The following HIPK2 variants were observed in gnomAD, a reference collection of about 807,000 sequenced individuals.
The protein encoded by HIPK2 is homeodomain-interacting protein kinase 2.
A neutral mutation model predicts 113.7 loss-of-function variants in HIPK2; 27 were observed. That is an observed-to-expected ratio of 0.24 (90% CI 0.17 to 0.33). HIPK2 has a LOEUF of 0.33. HIPK2 is among the 10% of genes least tolerant of loss of function. HIPK2 has a pLI of 1.00. For synonymous variants in HIPK2, 631 were observed against 642.2 expected (o/e 0.98, Z 0.26); for missense variants, 1,257 against 1,588.0 (o/e 0.79, Z 3.54).
chr7:139,626,566 G>C, intron 6 of HIPK2, 35 bp downstream of exon 6: 1 of 1,592,882 alleles, frequency 6.3e-7, no homozygotes, highest in Non-Finnish European at 8.6e-7. Flanking sequence ...AAAGTTTGCC[G>C]ATCCCTGGTA....
intron 1 of HIPK2, among the ~76,000 whole-genome samples, chr7:139,743,667 C>T (rs1796144346): frequency 6.6e-6 from 1 of 151,402 alleles, no homozygotes; most frequent in African/African-American, 2.4e-5. Context: ...CCACCTATCC[C>T]CCTGCTGTTC....
chr7:139,658,159 A>T (rs572071369), intron 2 of HIPK2, among the ~76,000 whole-genome samples: 36 of 152,214 alleles, frequency 2.4e-4, no homozygotes, highest in Non-Finnish European at 4.7e-4. Flanking sequence ...TAGAAAAATT[A>T]GCTGAGTGGA....
At chr7:139,700,713 G>A (rs1257458880) in intron 2 of HIPK2, among the ~76,000 whole-genome samples, 3 of 152,216 alleles carry the variant, frequency 2.0e-5, no homozygotes, top group South Asian at 4.1e-4. Flanking sequence ...ACTGAGTCTC[G>A]CAGGCAGCAC....
In HIPK2 at chr7:139,613,562, C is replaced by G. The variant is rs1460878990; in HGVS notation, c.1991-239G>C. ...AGGCTAGAAGGTCAGATTAAGGAGG[C>G]TGTAAGGCCAAAAGTAGGACAGATA... On this transcript the variant is annotated intron_variant, in intron 8 of 14. Transcript: ENST00000406875. The surrounding 1 kb of genome is among the most constrained non-coding windows in gnomAD (Gnocchi z 4.2). Among the ~76,000 whole-genome samples the G allele has an allele frequency of 6.6e-6, 1 of 152,170 alleles. No homozygotes were observed. Among genetic ancestry groups the G allele is most frequent in the Non-Finnish European group, 1.5e-5 (1 of 68,046 alleles).
At chr7:139,582,054 G>A (rs73156837) in intron 13 of HIPK2, among the ~76,000 whole-genome samples, 3,036 of 152,314 alleles carry the variant, frequency 0.02, 40 homozygotes, top group Middle Eastern at 0.037. Context: ...ATGACTTCGG[G>A]TGCCTCCCAG....
At chr7:139,676,419 T>G (rs1457472112) in intron 2 of HIPK2, among the ~76,000 whole-genome samples, 1 of 152,186 alleles carries the variant, frequency 6.6e-6, no homozygotes, top group Non-Finnish European at 1.5e-5. Context: ...CCCTACACTT[T>G]CCTCTGCCCG....
intron 2 of HIPK2, among the ~76,000 whole-genome samples, chr7:139,690,514 A>G (rs977438445): frequency 4.6e-5 from 7 of 152,022 alleles, no homozygotes; most frequent in Non-Finnish European, 1.0e-4. Flanking sequence ...TTCTTGCTCT[A>G]TTTGTTCCCA....
At chr7:139,762,287 C>A (rs1016790973) in intron 1 of HIPK2, among the ~76,000 whole-genome samples, 1 of 152,170 alleles carries the variant, frequency 6.6e-6, no homozygotes, top group African/African-American at 2.4e-5. Flanking sequence ...ACAACTAGCA[C>A]CGACAAAGTC....
chr7:139,595,026 G>T (rs1353790135), intron 12 of HIPK2, among the ~76,000 whole-genome samples: 1 of 152,172 alleles, frequency 6.6e-6, no homozygotes, highest in East Asian at 1.9e-4. Context: ...TCTGACTGGT[G>T]GAGAGACGGC....
At chr7:139,717,052 T>C in intron 1 of HIPK2, 37 bp from the exon 2 acceptor site, 1 of 1,576,530 alleles carries the variant, frequency 6.3e-7, no homozygotes, top group Non-Finnish European at 8.6e-7. Context: ...AGTATCGGAG[T>C]CACCTTGGTA....
chr7:139,583,289 T>A (rs1488790961), intron 13 of HIPK2, among the ~76,000 whole-genome samples: 4 of 151,660 alleles, frequency 2.6e-5, no homozygotes, highest in Non-Finnish European at 5.9e-5. Flanking sequence ...ACAGGAGGAG[T>A]CCTCTGAAGA....
chr7:139,626,751 A>G lies in HIPK2; in HGVS notation c.1469T>C (p.Met490Thr), dbSNP rs1569457910. The G allele has an allele frequency of 6.2e-7, 1 of 1,613,936 alleles. No individual in the cohort carries two copies. The highest frequency in any genetic ancestry group is 8.5e-7 in the Non-Finnish European group (1 of 1,179,886). ...NMTTDLEGSDMLVEKADRREF... is the reference protein window; with the variant it reads ...NMTTDLEGSDTLVEKADRREF... Reference sequence around the variant, plus strand: ...CCGCCGGTCAGCCTTTTCTACCAACATGTCGCTCCCTTCCAAATCTGTCGT... The same window carrying G: ...CCGCCGGTCAGCCTTTTCTACCAACGTGTCGCTCCCTTCCAAATCTGTCGT... The change falls in exon 6 of 15, where the codon ATG becomes ACG. Residue 490 changes from methionine to threonine, a missense_variant. Met to Thr is a moderately conservative substitution (Grantham distance 81). Coordinates refer to ENST00000406875, the MANE Select transcript of HIPK2 (RefSeq NM_022740.5).
rs779731461 is a variant in HIPK2, at chr7:139,596,753, G to A, written c.2681C>T (p.Thr894Met). Reference sequence around the variant, plus strand: ...GTGTTTCTGTTCCTCCTCCTCGTCCGTGTCACTGCTGATGGTGATGACGCT... The same window carrying A: ...GTGTTTCTGTTCCTCCTCCTCGTCCATGTCACTGCTGATGGTGATGACGCT... ...TVSVITISSD[T>M]DEEEEQKHAP... The change falls in exon 12 of 15, where the codon ACG (threonine) becomes ATG (methionine). Residue 894 changes from threonine (T) to methionine (M), a missense_variant. By Grantham distance (81) the Thr-to-Met change is moderately conservative. Coordinates refer to ENST00000406875, the MANE Select transcript of HIPK2 (RefSeq NM_022740.5). The A allele has an allele frequency of 2.5e-6, 4 of 1,613,256 alleles. No homozygotes were observed. Among genetic ancestry groups the A allele is most frequent in the East Asian group, 2.2e-5 (1 of 44,886 alleles).
Position 139,630,913 on chromosome 7 carries a change from G to A in HIPK2, c.1347+252C>T, listed in dbSNP as rs577961296. 4.7e-4 allele frequency among the ~76,000 whole-genome samples: 72 copies of A among 152,346 alleles called. 3 individuals are homozygous for A. In the South Asian group the frequency reaches 0.013, roughly 28 times the overall value. On this transcript the variant is annotated intron_variant, in intron 4 of 14. Transcript: ENST00000406875. The surrounding 1 kb of genome is among the most constrained non-coding windows in gnomAD (Gnocchi z 4.0). ...TCGTTTCTCTCCCTAGCACAAATCA[G>A]ACAGTCATCAAGGCTTATCGGATTA...
intron 12 of HIPK2, among the ~76,000 whole-genome samples, chr7:139,593,097 A>C (rs544093186): frequency 6.6e-6 from 1 of 152,362 alleles, no homozygotes; most frequent in South Asian, 2.1e-4. Context: ...AGGAGGGAGC[A>C]GGATAGAATC....
At position 139,569,811 on chromosome 7, in the gene HIPK2, A is replaced by G. The variant is rs375531020; in HGVS notation, c.*3116T>C. 9 of 152,270 alleles carry G rather than the reference A, an allele frequency of 5.9e-5. No homozygotes were observed. The highest frequency in any genetic ancestry group is 3.4e-3 in the Middle Eastern group (1 of 294). 9.4% of individuals were successfully genotyped at this position (152,270 alleles called of 1,614,324 possible). A position where few individuals can be genotyped will look rare whatever the true frequency, so the allele number is the denominator to read the frequency against. On this transcript the variant is annotated 3_prime_UTR_variant, in exon 15 of 15. Transcript: ENST00000406875. ...GTCTACTTATATACTCACAGAGAGAATAAGTTTAAATATTAAAGAGAAAAC... is the reference window on the plus strand; with the variant it reads ...GTCTACTTATATACTCACAGAGAGAGTAAGTTTAAATATTAAAGAGAAAAC...
In HIPK2 at chr7:139,630,233, C is replaced by T. The variant is rs567574730; in HGVS notation, c.1347+932G>A. 2.6e-5 allele frequency among the ~76,000 whole-genome samples: 4 copies of T among 152,250 alleles called. No individual in the cohort carries two copies. The highest frequency in any genetic ancestry group is 4.8e-5 in the African/African-American group (2 of 41,546). On this transcript the variant is annotated intron_variant, in intron 4 of 14. Coordinates refer to ENST00000406875, the MANE Select transcript of HIPK2 (RefSeq NM_022740.5). The surrounding 1 kb of genome is among the most constrained non-coding windows in gnomAD (Gnocchi z 4.0). Reference sequence around the variant, plus strand: ...TCTGTTAAAGTGAAGCCCCTGCCCCCGGAGTTTCAGGTTTATGGTTACTTG... The same window carrying T: ...TCTGTTAAAGTGAAGCCCCTGCCCCTGGAGTTTCAGGTTTATGGTTACTTG...
intron 1 of HIPK2, among the ~76,000 whole-genome samples, chr7:139,751,580 TTGGATGGATAGA>T (rs1292519982): frequency 7.1e-6 from 1 of 141,480 alleles, no homozygotes; most frequent in Non-Finnish European, 1.5e-5. Flanking sequence ...GGATGGATGG[TTGGATGGATAGA>T]TGGATGGATG....
At chr7:139,689,292 C>G (rs886429541) in intron 2 of HIPK2, among the ~76,000 whole-genome samples, 1 of 152,138 alleles carries the variant, frequency 6.6e-6, no homozygotes, top group Admixed American at 6.5e-5. Flanking sequence ...ACAGGGCTGC[C>G]TAATTCAATC....
Sources: allele counts gnomAD v4.1 joint callset (sites outside exome capture counted in the v4.1 genomes callset), GRCh38; gene constraint gnomAD v4.1.1; non-coding constraint Gnocchi (gnomAD v3.1); transcripts MANE v1.5; gene names NCBI Gene and HGNC (gene_info 2026-07-23, HGNC 2026-07-21).